The following ATG5 variants were observed in gnomAD, a reference collection of about 807,000 sequenced individuals.
The protein encoded by ATG5 is autophagy protein 5.
A neutral mutation model predicts 36.5 loss-of-function variants in ATG5; 14 were observed. That is an observed-to-expected ratio of 0.38 (90% CI 0.25 to 0.60). The LOEUF is 0.60. ATG5 is among the 20% of genes least tolerant of loss of function. The pLI is 0.60. For missense variants in ATG5, 195 were observed against 326.7 expected (o/e 0.60, Z 3.11); for synonymous variants, 95 against 101.5 (o/e 0.94, Z 0.38).
intron 6 of ATG5, among the ~76,000 whole-genome samples, chr6:106,240,414 T>C (rs1191983711): frequency 1.3e-5 from 2 of 150,222 alleles, no homozygotes; most frequent in African/African-American, 4.9e-5. Flanking sequence ...GAAGAAAAGA[T>C]AGGCAAAACA....
At chr6:106,193,773 T>G (rs1415922213) in intron 7 of ATG5, among the ~76,000 whole-genome samples, 1 of 152,220 alleles carries the variant, frequency 6.6e-6, no homozygotes, top group East Asian at 1.9e-4. Context: ...CTCAACTTAC[T>G]TGCTTTATTT....
rs545952640 is a variant in ATG5, at chr6:106,293,315, A to T, written c.237-209T>A. Among the ~76,000 whole-genome samples, 3 of 152,296 alleles carry T rather than the reference A, an allele frequency of 2.0e-5. No homozygotes were observed. In the South Asian group the frequency reaches 6.2e-4, roughly 32 times the overall value. On this transcript the variant is annotated intron_variant, in intron 3 of 7. Transcript: ENST00000369076. ...GTTTCCTTCTAACCACTCCATTCCC[A>T]TAGAAACCTCAATATGCACAATAGG...
intron 6 of ATG5, among the ~76,000 whole-genome samples, chr6:106,227,994 C>G (rs1319300474): frequency 6.6e-6 from 1 of 152,114 alleles, no homozygotes; most frequent in African/African-American, 2.4e-5. Context: ...CAACTCAGAA[C>G]CTAAGCATAT....
At chr6:106,316,913 T>A (rs1468613257) in intron 1 of ATG5, among the ~76,000 whole-genome samples, 1 of 152,172 alleles carries the variant, frequency 6.6e-6, no homozygotes, top group South Asian at 2.1e-4. Flanking sequence ...TATCCTACTA[T>A]TCCCCTACCT....
chr6:106,246,318 C>A (rs1204368058), intron 6 of ATG5, among the ~76,000 whole-genome samples: 1 of 151,000 alleles, frequency 6.6e-6, no homozygotes, highest in Non-Finnish European at 1.5e-5. Flanking sequence ...CTCTACCCTC[C>A]CACTTTCTAT....
intron 7 of ATG5, among the ~76,000 whole-genome samples, chr6:106,190,927 A>G (rs1316711282): frequency 1.3e-5 from 2 of 152,202 alleles, no homozygotes; most frequent in Non-Finnish European, 2.9e-5. Context: ...GAGAGGGCCA[A>G]TTATGCACCA....
Position 106,293,061 on chromosome 6 carries a change from T to C in ATG5, c.282A>G (p.Ser94=). 1 of 1,613,674 alleles carries C rather than the reference T, an allele frequency of 6.2e-7. No homozygotes were observed. The highest frequency in any genetic ancestry group is 8.5e-7 in the Non-Finnish European group (1 of 1,179,730). The change falls in exon 4 of 8, where the codon TCA becomes TCG. Residue 94 remains serine (S), a synonymous_variant. Coordinates refer to ENST00000369076, the MANE Select transcript of ATG5 (RefSeq NM_004849.4). ...GTACTGTGATGTTCCAAGGAAGAGC[T>C]GAACTTGATGCAAGAAGATCAAATA... ...GLLFDLLASS[S]ALPWNITVHF... is the part of the protein sequence containing the mutation.
chr6:106,193,603 A>T (rs1212574755), intron 7 of ATG5, among the ~76,000 whole-genome samples: 1 of 152,226 alleles, frequency 6.6e-6, no homozygotes, highest in East Asian at 1.9e-4. Context: ...AATAAGATAA[A>T]AATGTGGTAA....
At chr6:106,304,142 A>G (rs560992898) in intron 3 of ATG5, 2 of 152,262 alleles carry the variant, frequency 1.3e-5, no homozygotes, top group African/African-American at 4.8e-5. Flanking sequence ...CACAAAAATC[A>G]ATAACATTTT....
chr6:106,284,804 C>T (rs1032605992), intron 4 of ATG5, among the ~76,000 whole-genome samples: 3 of 150,858 alleles, frequency 2.0e-5, no homozygotes, highest in Non-Finnish European at 2.9e-5. Context: ...ATTTATAGAA[C>T]TTTACAGAAA....
intron 7 of ATG5, among the ~76,000 whole-genome samples, chr6:106,192,202 T>C (rs941113391): frequency 1.3e-5 from 2 of 151,868 alleles, no homozygotes; most frequent in African/African-American, 4.8e-5. Context: ...TATCATTTAA[T>C]AGACTTTAGG....
At chr6:106,244,209 T>G (rs1014010881) in intron 6 of ATG5, among the ~76,000 whole-genome samples, 2 of 152,200 alleles carry the variant, frequency 1.3e-5, no homozygotes, top group Admixed American at 1.3e-4. Context: ...AAAATAACAC[T>G]GCTAGGTTGT....
intron 6 of ATG5, among the ~76,000 whole-genome samples, chr6:106,228,823 A>C (rs973586982): frequency 7.9e-5 from 12 of 152,166 alleles, no homozygotes; most frequent in African/African-American, 2.9e-4. Flanking sequence ...GTATGAGGCT[A>C]TCTGGGGAAG....
At chr6:106,300,592 A>G (rs1770169549) in intron 3 of ATG5, among the ~76,000 whole-genome samples, 1 of 152,104 alleles carries the variant, frequency 6.6e-6, no homozygotes, top group Non-Finnish European at 1.5e-5. Context: ...ACACAAACCT[A>G]GATGCCATAG....
chr6:106,249,438 T>C (rs1032059698), intron 5 of ATG5, among the ~76,000 whole-genome samples: 2 of 152,238 alleles, frequency 1.3e-5, no homozygotes, highest in Non-Finnish European at 2.9e-5. Context: ...CTTCATTTGC[T>C]TTTACGGCTG....
chr6:106,223,548 A>T (rs149904617), intron 6 of ATG5, among the ~76,000 whole-genome samples: 1 of 152,272 alleles, frequency 6.6e-6, no homozygotes, highest in East Asian at 1.9e-4. Context: ...ATTTCTTTTA[A>T]AAGGTGTGTA....
At chr6:106,322,469 C>G (rs1451696430) in intron 1 of ATG5, among the ~76,000 whole-genome samples, 1 of 152,168 alleles carries the variant, frequency 6.6e-6, no homozygotes, top group Non-Finnish European at 1.5e-5. Flanking sequence ...CTACTCTTCC[C>G]TAGTCCATTT....
At chr6:106,195,832 AC>A (rs1487187748) in intron 7 of ATG5, among the ~76,000 whole-genome samples, 10 of 144,146 alleles carry the variant, frequency 6.9e-5, no homozygotes, top group Admixed American at 2.8e-4. Flanking sequence ...AAAAAAAAAA[AC>A]CACAAGGGAA....
chr6:106,277,809 G>GTC (rs1562251694), intron 5 of ATG5, among the ~76,000 whole-genome samples: 1 of 151,952 alleles, frequency 6.6e-6, no homozygotes, highest in Non-Finnish European at 1.5e-5. Context: ...GTGAAACTTC[G>GTC]TCTCAACAAA....
Sources: gnomAD v4.1 joint callset for allele counts (sites outside exome capture counted in the v4.1 genomes callset) on GRCh38, gnomAD v4.1.1 for gene constraint, MANE v1.5 for transcripts, NCBI Gene and HGNC (gene_info 2026-07-23, HGNC 2026-07-21) for gene names.